The following CHN1 variants were observed in gnomAD, a reference collection of about 807,000 sequenced individuals.
CHN1 encodes N-chimaerin.
Under a neutral mutation model 59.5 loss-of-function variants are expected in CHN1, and 37 were observed. The observed-to-expected ratio is 0.62, with a 90% CI of 0.48 to 0.82. The LOEUF (loss-of-function observed/expected upper bound fraction) is 0.82. Ranked by LOEUF, CHN1 falls within the 40% of genes least tolerant of loss-of-function variation. CHN1 has a pLI of 0.00. For missense variants in CHN1, 469 were observed against 571.0 expected (o/e 0.82, Z 1.82); for synonymous variants, 206 against 200.4 (o/e 1.03, Z -0.24).
chr2:174,950,452 A>G (rs2105411082), intron 2 of CHN1, among the ~76,000 whole-genome samples: 1 of 151,956 alleles, frequency 6.6e-6, no homozygotes, highest in South Asian at 2.1e-4. Flanking sequence ...TATTTAGTAG[A>G]GACGGGTTTC....
At chr2:174,823,842 C>A (rs1400389769) in intron 8 of CHN1, among the ~76,000 whole-genome samples, 1 of 152,070 alleles carries the variant, frequency 6.6e-6, no homozygotes, top group African/African-American at 2.4e-5. Context: ...AAATTTGTAT[C>A]TAAATATTCA....
intron 8 of CHN1, among the ~76,000 whole-genome samples, chr2:174,813,957 GTAAAAGTTATTAGCTGT>G (rs1448871087): frequency 6.6e-6 from 1 of 152,170 alleles, no homozygotes; most frequent in Non-Finnish European, 1.5e-5. Context: ...ATGACTTTTG[GTAAAAGTTATTAGCTGT>G]GATCTAGTTA....
At chr2:174,952,772 G>C (rs1421660022) in intron 1 of CHN1, among the ~76,000 whole-genome samples, 1 of 152,230 alleles carries the variant, frequency 6.6e-6, no homozygotes, top group Non-Finnish European at 1.5e-5. Context: ...CAATGGAAGA[G>C]AGTGTATCTA....
chr2:175,004,860 AC>A, intron 1 of CHN1, 33 bp downstream of exon 1: 1 of 1,357,938 alleles, frequency 7.4e-7, no homozygotes, highest in South Asian at 1.7e-5. Flanking sequence ...GACGCGGCCC[AC>A]CTGCGGCGGC....
chr2:174,953,075 G>A (rs1402209887), intron 1 of CHN1, among the ~76,000 whole-genome samples: 1 of 151,778 alleles, frequency 6.6e-6, no homozygotes, highest in Non-Finnish European at 1.5e-5. Flanking sequence ...GGTATAGAAA[G>A]GTATGGCCAG....
At chr2:174,846,190 A>G (rs1392217271) in intron 7 of CHN1, 2 of 1,288,334 alleles carry the variant, frequency 1.6e-6, no homozygotes, top group Non-Finnish European at 1.0e-6. Flanking sequence ...GCCTTATATC[A>G]TGCTATAAAT....
intron 6 of CHN1, among the ~76,000 whole-genome samples, chr2:174,861,512 C>T (rs991323027): frequency 1.3e-5 from 2 of 152,132 alleles, no homozygotes; most frequent in African/African-American, 4.8e-5. Context: ...CAGTCTCCTG[C>T]CCTTATACTG....
Position 174,990,891 on chromosome 2 carries a change from T to C in CHN1, c.19+14003A>G, listed in dbSNP as rs547293144. Among the ~76,000 whole-genome samples the C allele has an allele frequency of 3.7e-4, 57 of 152,284 alleles. No homozygotes were observed. The South Asian group carries it at 0.011, about 30-fold the overall frequency. On this transcript the variant is annotated intron_variant, in intron 1 of 12. Coordinates refer to ENST00000409900, the MANE Select transcript of CHN1 (RefSeq NM_001822.7). ...ATACAAATCTCAGAATAGTAATAAATACCATCCAAAGACTTAAGAGGCAAA... is the reference window on the plus strand; with the variant it reads ...ATACAAATCTCAGAATAGTAATAAACACCATCCAAAGACTTAAGAGGCAAA...
intron 7 of CHN1, among the ~76,000 whole-genome samples, chr2:174,842,854 C>A (rs1450171914): frequency 6.6e-6 from 1 of 152,180 alleles, no homozygotes; most frequent in Non-Finnish European, 1.5e-5. Context: ...TTTCAGGATT[C>A]ACTGTTTGCC....
At chr2:174,831,704 CT>C (rs527510345) in intron 7 of CHN1, among the ~76,000 whole-genome samples, 10 of 152,032 alleles carry the variant, frequency 6.6e-5, no homozygotes, top group African/African-American at 2.2e-4. Flanking sequence ...TTTTTGATTT[CT>C]TTTCCCCTGA....
intron 7 of CHN1, among the ~76,000 whole-genome samples, chr2:174,829,666 A>T (rs1295587862): frequency 6.6e-6 from 1 of 152,242 alleles, no homozygotes; most frequent in Non-Finnish European, 1.5e-5. Flanking sequence ...AATGTAAGCC[A>T]CGTTGGAGAT....
At chr2:174,982,499 G>A (rs1355422982) in intron 1 of CHN1, among the ~76,000 whole-genome samples, 1 of 152,172 alleles carries the variant, frequency 6.6e-6, no homozygotes, top group African/African-American at 2.4e-5. Flanking sequence ...TCTAACTGGT[G>A]TGAGATGGTA....
chr2:174,829,119 T>C (rs1685787196), intron 7 of CHN1, among the ~76,000 whole-genome samples: 1 of 152,224 alleles, frequency 6.6e-6, no homozygotes, highest in Admixed American at 6.5e-5. Context: ...CAAAGCCCTC[T>C]TGTGCAACTG....
intron 6 of CHN1, among the ~76,000 whole-genome samples, chr2:174,849,862 C>T (rs1426503676): frequency 6.6e-6 from 1 of 152,174 alleles, no homozygotes. Context: ...CTCATAAACA[C>T]TACACTATAT....
rs1234414083 is a variant in CHN1 at position 174,891,951 on chromosome 2, TAAAAG to T, written c.261-13828_261-13824del. Among the ~76,000 whole-genome samples the T allele has an allele frequency of 1.2e-4, 18 of 151,974 alleles. No homozygotes were observed. In the South Asian group the frequency reaches 2.9e-3, roughly 25 times the overall value. On this transcript the variant is annotated intron_variant, in intron 5 of 12. Coordinates refer to ENST00000409900, the MANE Select transcript of CHN1 (RefSeq NM_001822.7). ...CAACTGATGCCACAAAAATAAAAAG[TAAAAG>T]AAATTACTATGAATAATTATATGTC...
intron 8 of CHN1, among the ~76,000 whole-genome samples, chr2:174,823,414 A>T (rs1231977690): frequency 1.3e-5 from 2 of 152,248 alleles, no homozygotes; most frequent in Admixed American, 1.3e-4. Context: ...CTGTAATCCC[A>T]GCACTTTGGG....
intron 8 of CHN1, among the ~76,000 whole-genome samples, chr2:174,819,824 C>T (rs1333834444): frequency 1.4e-4 from 15 of 108,596 alleles, no homozygotes; most frequent in South Asian, 3.8e-4. Context: ...CTCCCCCCAC[C>T]CCACAACAGT....
intron 5 of CHN1, among the ~76,000 whole-genome samples, chr2:174,904,136 G>A (rs1190442545): frequency 6.6e-6 from 1 of 151,820 alleles, no homozygotes; most frequent in Non-Finnish European, 1.5e-5. Flanking sequence ...GGTGGTGCAT[G>A]CCTGTAGTCC....
intron 3 of CHN1, among the ~76,000 whole-genome samples, chr2:174,942,021 A>G (rs1307716353): frequency 1.3e-5 from 2 of 152,236 alleles, no homozygotes; most frequent in Non-Finnish European, 2.9e-5. Flanking sequence ...AAATGCTGGC[A>G]AAGATGCAGA....
Sources: allele counts gnomAD v4.1 joint callset (sites outside exome capture counted in the v4.1 genomes callset), GRCh38; gene constraint gnomAD v4.1.1; transcripts MANE v1.5; gene names NCBI Gene and HGNC (gene_info 2026-07-23, HGNC 2026-07-21).